The following DYM variants were observed in gnomAD, a reference collection of about 807,000 sequenced individuals.
DYM encodes dymeclin, also known as dyggve-Melchior-Clausen syndrome protein.
A neutral mutation model predicts 93.1 loss-of-function variants in DYM; 78 were observed. The observed-to-expected ratio is 0.84, with a 90% CI of 0.70 to 1.01. The LOEUF (loss-of-function observed/expected upper bound fraction) is 1.01. Ranked by LOEUF, DYM falls within the 50% of genes least tolerant of loss-of-function variation. The probability of loss-of-function intolerance (pLI) is 0.00; values close to 1 mark genes in which losing one functional copy is unlikely to be tolerated. For missense variants in DYM, 789 were observed against 845.0 expected, an observed-to-expected ratio of 0.93 and a Z score of 0.82; for synonymous variants, 321 against 319.7, an observed-to-expected ratio of 1.00 and a Z score of -0.04.
chr18:49,422,338 G>C lies in DYM; in HGVS notation c.140+7917C>G, dbSNP rs542210539. Among the ~76,000 whole-genome samples the C allele has an allele frequency of 4.6e-5, 7 of 152,272 alleles. No individual in the cohort carries two copies. In the East Asian group the frequency reaches 1.4e-3, roughly 29 times the overall value. ...GAAACTCTACAAGCCAGAAGAGAGT[G>C]GGGGACAATAGTCAACATTCTTAAA... On this transcript the variant is annotated intron_variant, in intron 2 of 17. Coordinates refer to ENST00000675505, the MANE Select transcript of DYM (RefSeq NM_001353214.3).
chr18:49,104,351 T>A (rs2080540334), intron 16 of DYM, among the ~76,000 whole-genome samples: 1 of 152,186 alleles, frequency 6.6e-6, no homozygotes, highest in Non-Finnish European at 1.5e-5. Flanking sequence ...AATCATGTCA[T>A]CTGCAAAAAG....
chr18:49,419,232 C>G (rs1305965788), intron 2 of DYM, among the ~76,000 whole-genome samples: 1 of 152,056 alleles, frequency 6.6e-6, no homozygotes, highest in Non-Finnish European at 1.5e-5. Flanking sequence ...TGATGGCAGG[C>G]ACCTGTAATC....
chr18:49,047,840 G>A lies in DYM; in HGVS notation c.2026-3636C>T, dbSNP rs1311930387. ...AAATCTGCATTTGTAGCAAGAGGGG[G>A]GCAACAAGTAGCTCCCACCGACCCG... On this transcript the variant is annotated intron_variant, in intron 17 of 17. Coordinates refer to ENST00000675505, the MANE Select transcript of DYM (RefSeq NM_001353214.3). 4.6e-5 allele frequency among the ~76,000 whole-genome samples: 7 copies of A among 152,024 alleles called. No homozygotes were observed. The South Asian group carries it at 6.2e-4, about 14-fold the overall frequency.
At chr18:49,149,216 G>A (rs961872772) in intron 15 of DYM, among the ~76,000 whole-genome samples, 11 of 152,078 alleles carry the variant, frequency 7.2e-5, no homozygotes, top group African/African-American at 2.2e-4. Flanking sequence ...ATGGAGTGAC[G>A]GGGAGAAGCT....
At chr18:49,196,701 G>A (rs2091484376) in intron 14 of DYM, among the ~76,000 whole-genome samples, 1 of 152,208 alleles carries the variant, frequency 6.6e-6, no homozygotes, top group South Asian at 2.1e-4. Context: ...ACTCCTGGAA[G>A]AGAAAGCACA....
rs139028386 is a variant in DYM, at chr18:49,371,254, C to T, written c.421+7313G>A. Among the ~76,000 whole-genome samples, 10 of 152,258 alleles carry T rather than the reference C, an allele frequency of 6.6e-5. No homozygotes were observed. In the East Asian group the frequency reaches 1.2e-3, roughly 18 times the overall value. The stretch of plus-strand genomic sequence containing the variant: ...GTGGCTCATGCCTATAATCCCAGTG[C>T]TTTGGAAGGCCAAGGCAGGAGGATT... On this transcript the variant is annotated intron_variant, in intron 5 of 17. Coordinates refer to ENST00000675505, the MANE Select transcript of DYM (RefSeq NM_001353214.3).
At chr18:49,310,930 T>C (rs2061552829) in intron 8 of DYM, among the ~76,000 whole-genome samples, 1 of 152,214 alleles carries the variant, frequency 6.6e-6, no homozygotes, top group South Asian at 2.1e-4. Context: ...TACATTAATA[T>C]ATTTTATTTA....
chr18:49,278,302 C>T (rs2094893932), intron 10 of DYM, among the ~76,000 whole-genome samples: 1 of 152,138 alleles, frequency 6.6e-6, no homozygotes, highest in African/African-American at 2.4e-5. Flanking sequence ...ACAGGGGTTG[C>T]ATATCTGCGA....
chr18:49,118,915 T>C lies in DYM; in HGVS notation c.1740A>G (p.Leu580=), dbSNP rs549366750. 3.1e-6 allele frequency: 5 copies of C among 1,614,042 alleles called. No homozygotes were observed. The Admixed American group carries it at 5.0e-5, about 16-fold the overall frequency. ...TTCGAATCACTTCTTCAATGACATT[T>C]AGGTCTTGTGCCTTATAGAGAAAAG... ...DVPLPDYAQD[L]NVIEEVIRMM... Residue 580 remains leucine, a synonymous_variant, in exon 16 of 18, where the codon CTA becomes CTG. Coordinates refer to ENST00000675505, the MANE Select transcript of DYM (RefSeq NM_001353214.3).
intron 17 of DYM, among the ~76,000 whole-genome samples, chr18:49,049,501 A>G (rs1265955890): frequency 1.3e-5 from 2 of 152,200 alleles, no homozygotes; most frequent in Non-Finnish European, 2.9e-5. Flanking sequence ...AAGGTTTACT[A>G]TACTCTGAGG....
intron 8 of DYM, among the ~76,000 whole-genome samples, chr18:49,298,156 C>A (rs1034320780): frequency 7.3e-6 from 1 of 136,688 alleles, no homozygotes; most frequent in East Asian, 1.9e-4. Context: ...TATTACTAAC[C>A]CATCCTGTCT....
At chr18:49,315,517 C>T (rs893846490) in intron 8 of DYM, among the ~76,000 whole-genome samples, 1 of 152,172 alleles carries the variant, frequency 6.6e-6, no homozygotes, top group Non-Finnish European at 1.5e-5. Flanking sequence ...TCACCTCTTT[C>T]CACCTATCTT....
chr18:49,105,390 T>C (rs2080685359), intron 16 of DYM, among the ~76,000 whole-genome samples: 1 of 152,216 alleles, frequency 6.6e-6, no homozygotes, highest in African/African-American at 2.4e-5. Context: ...TGAAGGGTTT[T>C]TTGTGTCTCT....
chr18:49,444,373 C>T (rs1230091325), intron 1 of DYM, among the ~76,000 whole-genome samples: 1 of 152,152 alleles, frequency 6.6e-6, no homozygotes, highest in Non-Finnish European at 1.5e-5. Flanking sequence ...AAGAATGACC[C>T]TCAACTACTA....
Position 49,147,778 on chromosome 18 carries a change from A to G in DYM, c.1728+15907T>C, listed in dbSNP as rs575399886. Among the ~76,000 whole-genome samples the G allele has an allele frequency of 1.3e-3, 195 of 152,314 alleles. 1 individual carries two copies. Among genetic ancestry groups the G allele is most frequent in the African/African-American group, 4.2e-3 (176 of 41,574 alleles). ...AACTAGTTCAACCATTGTGGAAGTC[A>G]GTGTGGCGATTCCTCAGGGATCTAG... On this transcript the variant is annotated intron_variant, in intron 15 of 17. Coordinates refer to ENST00000675505, the MANE Select transcript of DYM (RefSeq NM_001353214.3).
At chr18:49,137,469 T>C (rs1423949306) in intron 15 of DYM, among the ~76,000 whole-genome samples, 1 of 152,164 alleles carries the variant, frequency 6.6e-6, no homozygotes, top group Non-Finnish European at 1.5e-5. Context: ...GAGAACTAAT[T>C]TGAAAATGAC....
intron 8 of DYM, among the ~76,000 whole-genome samples, chr18:49,310,069 G>T: frequency 6.6e-6 from 1 of 152,222 alleles, no homozygotes; most frequent in Non-Finnish European, 1.5e-5. Flanking sequence ...ATATTTAAAA[G>T]AATTAGAAAT....
chr18:49,287,204 T>C (rs946383264), intron 8 of DYM, among the ~76,000 whole-genome samples: 1 of 151,838 alleles, frequency 6.6e-6, no homozygotes, highest in Non-Finnish European at 1.5e-5. Context: ...ATAATAATAA[T>C]AAATGCATTA....
At position 49,309,548 on chromosome 18, in the gene DYM, T is replaced by C. The variant is rs141811715; in HGVS notation, c.763+22316A>G. ...TACTCAGCAGGCTGAAGCAAGAAGA[T>C]AGCTTGAGCCCAGGAAGCTGAGGCT... On this transcript the variant is annotated intron_variant, in intron 8 of 17. Transcript: ENST00000675505. 5.6e-4 allele frequency among the ~76,000 whole-genome samples: 85 copies of C among 152,268 alleles called. 1 individual carries two copies. In the East Asian group the frequency reaches 0.013, roughly 24 times the overall value.
Sources: allele counts gnomAD v4.1 joint callset (sites outside exome capture counted in the v4.1 genomes callset), GRCh38; gene constraint gnomAD v4.1.1; transcripts MANE v1.5; gene names NCBI Gene and HGNC (gene_info 2026-07-23, HGNC 2026-07-21).